FCER2: variants seen among roughly 807,000 people sequenced by gnomAD.
FCER2 encodes the protein low affinity immunoglobulin epsilon Fc receptor.
Under a neutral mutation model 49.7 loss-of-function variants are expected in FCER2, and 38 were observed. The observed-to-expected ratio is 0.76, with a 90% confidence interval of 0.59 to 1.00. The LOEUF (loss-of-function observed/expected upper bound fraction) is 1.00. Ranked by LOEUF, FCER2 falls within the 50% of genes least tolerant of loss-of-function variation. FCER2 has a pLI of 0.00. For synonymous variants in FCER2, 163 were observed against 164.6 expected, an observed-to-expected ratio of 0.99 and a Z score of 0.07; for missense variants, 425 against 419.5, an observed-to-expected ratio of 1.01 and a Z score of -0.11.
At chr19:7,694,280 A>G (rs1034321994) in intron 8 of FCER2, among the ~76,000 whole-genome samples, 1 of 152,096 alleles carries the variant, frequency 6.6e-6, no homozygotes, top group Non-Finnish European at 1.5e-5. Flanking sequence ...TGAGAGGATC[A>G]CTTGACCCCA....
rs1173378942 is a variant in FCER2 at position 7,697,645 on chromosome 19, C to T, written c.191-56G>A. 1.7e-5 allele frequency: 25 copies of T among 1,436,460 alleles called. No individual in the cohort carries two copies. The Admixed American group carries it at 4.2e-4, about 24-fold the overall frequency. The allele number at this position is 1,436,460 out of a possible 1,614,324, so 89.0% of individuals were successfully genotyped here. On this transcript the variant is annotated intron_variant, in intron 4 of 10. Transcript: ENST00000597921. The stretch of plus-strand genomic sequence containing the variant: ...GGAACCTCAAAGGCAGGTCCTTGGA[C>T]CCCGCCTATGCCCCAGGCTCAGGGA...
At position 7,696,879 on chromosome 19, in the gene FCER2, C is replaced by G. The variant is rs762470599; in HGVS notation, c.415G>C (p.Glu139Gln). 1.9e-6 allele frequency: 3 copies of G among 1,587,660 alleles called. No homozygotes were observed. Among genetic ancestry groups the G allele is most frequent in the Non-Finnish European group, 2.6e-6 (3 of 1,166,260 alleles). ...NERNEASDLLERLREEVTKLR... is the reference protein window; with the variant it reads ...NERNEASDLLQRLREEVTKLR... The stretch of plus-strand genomic sequence containing the variant: ...TTTGTCACCTCCTCCCGGAGTCTTT[C>G]CAGCAAATCTGAAGCTTCGTTCCTC... The change falls in exon 8 of 11, where the codon GAA becomes CAA. Residue 139 changes from glutamate to glutamine, a missense_variant. By Grantham distance (29) the Glu-to-Gln change is conservative. Coordinates refer to ENST00000597921, the MANE Select transcript of FCER2 (RefSeq NM_001220500.2).
chr19:7,698,508 A>G, intron 3 of FCER2, 99 bp from the exon 4 acceptor site: 1 of 1,068,844 alleles, frequency 9.4e-7, no homozygotes, highest in Non-Finnish European at 1.4e-6. Flanking sequence ...TCTTGGGTAT[A>G]AGCCATGGAG....
intron 8 of FCER2, among the ~76,000 whole-genome samples, chr19:7,691,782 C>T (rs1259143886): frequency 6.6e-6 from 1 of 152,028 alleles, no homozygotes; most frequent in African/African-American, 2.4e-5. Flanking sequence ...CATAAATACA[C>T]CCATGGCCAG....
intron 8 of FCER2, among the ~76,000 whole-genome samples, chr19:7,691,249 G>C (rs1398569147): frequency 6.6e-6 from 1 of 151,692 alleles, no homozygotes; most frequent in Non-Finnish European, 1.5e-5. Flanking sequence ...ATCGCTACAA[G>C]CACCACCATG....
chr19:7,691,793 C>A (rs2032878663), intron 8 of FCER2, among the ~76,000 whole-genome samples: 1 of 151,778 alleles, frequency 6.6e-6, no homozygotes, highest in South Asian at 2.1e-4. Context: ...CCATGGCCAG[C>A]AACACCTCAG....
At chr19:7,694,169 T>G (rs12462856) in intron 8 of FCER2, among the ~76,000 whole-genome samples, 35,414 of 151,886 alleles carry the variant, frequency 0.23, 4,503 homozygotes, top group Admixed American at 0.34. Flanking sequence ...CATGAAATGG[T>G]AACCAGTACT....
chr19:7,690,359 C>CA (rs1476023250), intron 9 of FCER2, 47 bp downstream of exon 9: 1 of 1,608,130 alleles, frequency 6.2e-7, no homozygotes, highest in Admixed American at 1.7e-5. Flanking sequence ...TGGGGGTCCC[C>CA]CCACCCTCGC....
At position 7,690,040 on chromosome 19, in the gene FCER2, C is replaced by A. The variant is rs1026453854; in HGVS notation, c.728+119G>T. ...CCCCCACTGGCGTCCTTCTCCCCTG[C>A]ACCCTAGAGACCCTTATCTCTGAGC... On this transcript the variant is annotated intron_variant, in intron 10 of 10. Transcript: ENST00000597921. 7 of 704,010 alleles carry A rather than the reference C, an allele frequency of 9.9e-6. No homozygotes were observed. In the African/African-American group the frequency reaches 1.3e-4, roughly 13 times the overall value. The allele number at this position is 704,010 out of a possible 1,614,324, so 43.6% of individuals were successfully genotyped here.
intron 8 of FCER2, among the ~76,000 whole-genome samples, chr19:7,695,015 T>C (rs1250110362): frequency 2.0e-5 from 3 of 152,056 alleles, no homozygotes; most frequent in Admixed American, 6.6e-5. Flanking sequence ...TTTCATGTTT[T>C]TGTTGAGGCA....
At chr19:7,698,330 C>G (rs765311465) in intron 4 of FCER2, 26 bp downstream of exon 4, 1 of 1,542,724 alleles carries the variant, frequency 6.5e-7, no homozygotes, top group Non-Finnish European at 8.8e-7. Flanking sequence ...CTCACCCCCA[C>G]CCCCTCCACC....
intron 9 of FCER2, 51 bp from the exon 10 acceptor site, chr19:7,690,316 C>T (rs757378683): frequency 6.2e-7 from 1 of 1,608,790 alleles, no homozygotes; most frequent in Non-Finnish European, 8.5e-7. Flanking sequence ...CCGGGGCCTT[C>T]CAGCCCACTT....
chr19:7,697,435 G>T, intron 5 of FCER2, 92 bp downstream of exon 5: 1 of 1,465,216 alleles, frequency 6.8e-7, no homozygotes, highest in Non-Finnish European at 9.6e-7. Context: ...GTCGGGGGTG[G>T]GGCACAGTGA....
At position 7,689,243 on chromosome 19, in the gene FCER2, G is replaced by A. The variant is rs145467617; in HGVS notation, c.916C>T (p.Pro306Ser). 287 of 1,613,706 alleles carry A rather than the reference G, an allele frequency of 1.8e-4. No individual in the cohort carries two copies. The highest frequency in any genetic ancestry group is 2.4e-4 in the Non-Finnish European group (281 of 1,179,902). The change falls in exon 11 of 11, where the codon CCA (proline) becomes TCA (serine). Residue 306 changes from proline to serine, a missense_variant. Physicochemically the swap from Pro to Ser is moderately conservative, Grantham distance 74. Transcript: ENST00000597921. ...GTGGGCAGGCGGCCGTCAGGGTCTG[G>A]TCTTGAATCAGGTCCCATGGACTCC... ...SAESMGPDSR[P>S]DPDGRLPTPS...
At chr19:7,693,759 C>T (rs1162301165) in intron 8 of FCER2, among the ~76,000 whole-genome samples, 1 of 152,002 alleles carries the variant, frequency 6.6e-6, no homozygotes, top group East Asian at 2.0e-4. Context: ...AGCAATTCTC[C>T]TGCCTTAGCC....
intron 4 of FCER2, 134 bp from the exon 5 acceptor site, chr19:7,697,723 C>T: frequency 2.8e-6 from 2 of 709,348 alleles, no homozygotes; most frequent in Non-Finnish European, 5.0e-6. Flanking sequence ...TTTACTGGAG[C>T]AGGAGGAGTG....
chr19:7,690,349 T>TG lies in FCER2; in HGVS notation c.621+56dup. On this transcript the variant is annotated intron_variant, in intron 9 of 10. Coordinates refer to ENST00000597921, the MANE Select transcript of FCER2 (RefSeq NM_001220500.2). ...CTTCGAGAGGTTGGGTAGAGTGGGG[T>TG]GGGGGTCCCCCCACCCTCGCCATGC... 3 of 1,597,366 alleles carry TG rather than the reference T, an allele frequency of 1.9e-6. No homozygotes were observed. In the East Asian group the frequency reaches 6.7e-5, roughly 36 times the overall value.
chr19:7,689,468 G>A (rs748192150), intron 10 of FCER2, 38 bp from the exon 11 acceptor site: 13 of 1,359,632 alleles, frequency 9.6e-6, no homozygotes, highest in Admixed American at 2.0e-5. Flanking sequence ...ATGGGGCGGG[G>A]AGAAGGAGCC....
chr19:7,693,980 C>T (rs2032951088), intron 8 of FCER2, among the ~76,000 whole-genome samples: 1 of 144,244 alleles, frequency 6.9e-6, no homozygotes, highest in Non-Finnish European at 1.5e-5. Flanking sequence ...TTTAAAGAGG[C>T]AGGGTCTCAT....
Sources: gnomAD v4.1 joint callset for allele counts (sites outside exome capture counted in the v4.1 genomes callset) on GRCh38, gnomAD v4.1.1 for gene constraint, MANE v1.5 for transcripts, NCBI Gene and HGNC (gene_info 2026-07-23, HGNC 2026-07-21) for gene names.